The following DAPK1 variants were observed in gnomAD, a reference collection of about 807,000 sequenced individuals.
DAPK1 encodes the protein death associated protein kinase 1.
In DAPK1, 56 loss-of-function variants were observed where a neutral mutation model predicts 144.9. The observed-to-expected ratio is 0.39, with a 90% confidence interval of 0.31 to 0.48. The LOEUF is 0.48. Among genes scored for constraint, DAPK1 ranks in the 20% least tolerant of loss-of-function variants. The pLI, the probability that DAPK1 is intolerant of heterozygous loss-of-function variation, is 0.95. For missense variants in DAPK1, 1,454 were observed against 1,875.4 expected (o/e 0.78, Z 4.15); for synonymous variants, 690 against 749.0 (o/e 0.92, Z 1.29).
intron 2 of DAPK1, among the ~76,000 whole-genome samples, chr9:87,508,814 C>T (rs572416461): frequency 6.6e-6 from 1 of 152,254 alleles, no homozygotes; most frequent in South Asian, 2.1e-4. Flanking sequence ...CTGCCTAGCA[C>T]CTCATATGTC....
At chr9:87,621,605 G>T (rs556589101) in intron 3 of DAPK1, among the ~76,000 whole-genome samples, 1 of 152,248 alleles carries the variant, frequency 6.6e-6, no homozygotes, top group Middle Eastern at 3.4e-3. Flanking sequence ...GAAATCTAGA[G>T]CTCAGGGTGG....
At chr9:87,539,464 C>G (rs1414112937) in intron 2 of DAPK1, among the ~76,000 whole-genome samples, 5 of 138,674 alleles carry the variant, frequency 3.6e-5, no homozygotes, top group Non-Finnish European at 7.6e-5. Context: ...GAGTCTCGCT[C>G]TGTCACCCAG....
rs191336318 is a variant in DAPK1, at chr9:87,532,957, C to T, written c.62+33818C>T. Among the ~76,000 whole-genome samples, 343 of 152,202 alleles carry T rather than the reference C, an allele frequency of 2.3e-3. 2 individuals are homozygous for T. Among genetic ancestry groups the T allele is most frequent in the African/African-American group, 7.6e-3 (316 of 41,522 alleles). ...AGTTACAGATGTTAGTACATTTCAA[C>T]AATAGGTTACTTTTATTTCCACTGT... On this transcript the variant is annotated intron_variant, in intron 2 of 25. Coordinates refer to ENST00000408954, the MANE Select transcript of DAPK1 (RefSeq NM_004938.4).
In DAPK1 at chr9:87,707,028, G is replaced by A. The variant is rs200815823; in HGVS notation, c.3957G>A (p.Pro1319=). Reference sequence around the variant, plus strand: ...GGAAACTGAGTCGCCTGCTGGACCCGCCCGACCCCCTGGGGAAGGACTGGT... The same window carrying A: ...GGAAACTGAGTCGCCTGCTGGACCCACCCGACCCCCTGGGGAAGGACTGGT... ...TRRKLSRLLD[P]PDPLGKDWCL... is the part of the protein sequence containing the mutation. Residue 1319 remains proline (P), a synonymous_variant, in exon 26 of 26, where the codon CCG becomes CCA. Transcript: ENST00000408954. This position sits in a 1 kb window ranked among gnomAD's most constrained non-coding sequence, Gnocchi z 4.0. 177 of 1,613,460 alleles carry A rather than the reference G, an allele frequency of 1.1e-4. No homozygotes were observed. Among genetic ancestry groups the A allele is most frequent in the African/African-American group, 9.1e-4 (68 of 74,906 alleles).
intron 2 of DAPK1, among the ~76,000 whole-genome samples, chr9:87,525,702 C>T (rs1163545760): frequency 6.6e-6 from 1 of 152,130 alleles, no homozygotes; most frequent in Non-Finnish European, 1.5e-5. Flanking sequence ...CCTCTCTCTT[C>T]CCACTGTGAG....
In DAPK1 at chr9:87,541,821, A is replaced by G. The variant is rs545853649; in HGVS notation, c.62+42682A>G. On this transcript the variant is annotated intron_variant, in intron 2 of 25. Coordinates refer to ENST00000408954, the MANE Select transcript of DAPK1 (RefSeq NM_004938.4). ...CTTGTACAGCCATTACCATTACCCA[A>G]TGTGATGCATGTTTTCCTGTTCTGT... Among the ~76,000 whole-genome samples the G allele has an allele frequency of 2.6e-5, 4 of 152,280 alleles. No individual in the cohort carries two copies. The East Asian group carries it at 7.7e-4, about 29-fold the overall frequency.
chr9:87,647,626 G>A (rs948884557), intron 14 of DAPK1, among the ~76,000 whole-genome samples: 3 of 152,176 alleles, frequency 2.0e-5, no homozygotes, highest in Admixed American at 1.3e-4. Flanking sequence ...TAATACGCAC[G>A]CATTGAATTA....
intron 3 of DAPK1, 95 bp downstream of exon 3, chr9:87,605,270 A>C (rs1333297282): frequency 1.0e-6 from 1 of 1,004,770 alleles, no homozygotes; most frequent in Non-Finnish European, 1.5e-6. Flanking sequence ...AGCCCGAGAG[A>C]GGGATCAGGA....
chr9:87,568,585 G>C (rs887924562), intron 2 of DAPK1, among the ~76,000 whole-genome samples: 7 of 152,214 alleles, frequency 4.6e-5, no homozygotes, highest in African/African-American at 1.7e-4. Flanking sequence ...AGAGTGGGAA[G>C]GTGGGATGCA....
intron 2 of DAPK1, among the ~76,000 whole-genome samples, chr9:87,536,860 TTTAA>T (rs1218740013): frequency 6.6e-6 from 1 of 152,238 alleles, no homozygotes; most frequent in African/African-American, 2.4e-5. Flanking sequence ...GGGGAAGAAC[TTTAA>T]TTAACCTGAT....
At chr9:87,696,474 T>G (rs902119515) in intron 21 of DAPK1, among the ~76,000 whole-genome samples, 56 of 152,302 alleles carry the variant, frequency 3.7e-4, no homozygotes, top group African/African-American at 1.3e-3. Context: ...GGGTAATTGA[T>G]AAGAAAAGCG....
chr9:87,654,307 A>T (rs1830559218), intron 17 of DAPK1, among the ~76,000 whole-genome samples: 1 of 152,246 alleles, frequency 6.6e-6, no homozygotes, highest in African/African-American at 2.4e-5. Context: ...TATGCTAAAA[A>T]TGAAGTCCAA....
intron 9 of DAPK1, among the ~76,000 whole-genome samples, chr9:87,641,198 G>A (rs1447270841): frequency 1.3e-5 from 2 of 152,166 alleles, no homozygotes; most frequent in Non-Finnish European, 2.9e-5. Flanking sequence ...AGCTTCTCTT[G>A]GGAAATCTGA....
chr9:87,538,694 C>T (rs921466980), intron 2 of DAPK1, among the ~76,000 whole-genome samples: 3 of 151,840 alleles, frequency 2.0e-5, no homozygotes, highest in Non-Finnish European at 4.4e-5. Context: ...AGGAATTGCC[C>T]GCATATGAAA....
chr9:87,580,811 A>G (rs1331006134), intron 2 of DAPK1, among the ~76,000 whole-genome samples: 1 of 152,202 alleles, frequency 6.6e-6, no homozygotes, highest in Non-Finnish European at 1.5e-5. Flanking sequence ...CCGAGCGGTT[A>G]AGCTTCTAAA....
At chr9:87,532,819 A>G (rs1285858435) in intron 2 of DAPK1, among the ~76,000 whole-genome samples, 3 of 152,298 alleles carry the variant, frequency 2.0e-5, no homozygotes, top group South Asian at 4.1e-4. Flanking sequence ...TGTACAGGGA[A>G]CGCCAATTTG....
intron 18 of DAPK1, among the ~76,000 whole-genome samples, chr9:87,659,948 A>T (rs1172154924): frequency 1.3e-5 from 2 of 152,186 alleles, no homozygotes; most frequent in African/African-American, 4.8e-5. Flanking sequence ...CCTGAGAGTC[A>T]TAGCCGTCAA....
intron 18 of DAPK1, among the ~76,000 whole-genome samples, chr9:87,664,624 TC>T (rs1289849088): frequency 6.6e-6 from 1 of 152,210 alleles, no homozygotes; most frequent in Non-Finnish European, 1.5e-5. Context: ...TCCGGATTTC[TC>T]CTAGCAGGAG....
At chr9:87,536,819 G>A (rs1825875150) in intron 2 of DAPK1, among the ~76,000 whole-genome samples, 1 of 152,056 alleles carries the variant, frequency 6.6e-6, no homozygotes, top group South Asian at 2.1e-4. Context: ...AATAGGCACA[G>A]TAACAATAAA....
Sources: gnomAD v4.1 joint callset for allele counts (sites outside exome capture counted in the v4.1 genomes callset) on GRCh38, gnomAD v4.1.1 for gene constraint, Gnocchi (gnomAD v3.1) non-coding constraint, MANE v1.5 for transcripts, NCBI Gene and HGNC (gene_info 2026-07-23, HGNC 2026-07-21) for gene names.